Variants in CYP4X1 observed in about 807,000 individuals in gnomAD.
CYP4X1 encodes the protein cytochrome P450 family 4 subfamily X member 1.
In CYP4X1, 44 loss-of-function variants were observed where a neutral mutation model predicts 57.9. The ratio of observed to expected loss-of-function variants is 0.76; its 90% CI spans 0.60 to 0.98. The LOEUF (loss-of-function observed/expected upper bound fraction) is 0.98. Among genes scored for constraint, CYP4X1 ranks in the 50% least tolerant of loss-of-function variants. CYP4X1 has a pLI of 0.00. For synonymous variants in CYP4X1, 227 were observed against 228.6 expected (o/e 0.99, Z 0.06); for missense variants, 532 against 623.9 (o/e 0.85, Z 1.57).
intron 8 of CYP4X1, among the ~76,000 whole-genome samples, chr1:47,042,857 T>A (rs1347423559): frequency 6.6e-6 from 1 of 152,194 alleles, no homozygotes; most frequent in East Asian, 1.9e-4. Context: ...CCATTCTTGA[T>A]TGATGGGCAT....
At chr1:47,048,754 A>C in intron 10 of CYP4X1, 125 bp downstream of exon 10, 1 of 929,640 alleles carries the variant, frequency 1.1e-6, no homozygotes, top group Non-Finnish European at 1.6e-6. Context: ...AAAAATAAAC[A>C]TAAAAGCCAA....
At chr1:46,984,675 C>T in the CYP4X1 span, among the ~76,000 whole-genome samples, 2 of 152,192 alleles carry the variant, frequency 1.3e-5, no homozygotes, top group South Asian at 4.1e-4. Context: ...TGCATTCCAG[C>T]CCAGATACTA....
chr1:47,017,786 T>A, the CYP4X1 span, among the ~76,000 whole-genome samples: 3 of 152,154 alleles, frequency 2.0e-5, no homozygotes, highest in Non-Finnish European at 4.4e-5. Context: ...TTGTCCCACC[T>A]TTCCAGAGTG....
chr1:47,039,749 C>T, intron 8 of CYP4X1: 1 of 363,738 alleles, frequency 2.7e-6, no homozygotes, highest in Non-Finnish European at 4.9e-6. Context: ...AATTGTCTGT[C>T]ATTGGTTTTC....
rs139394305 is a variant in CYP4X1, at chr1:47,030,008, A to G, written c.196A>G (p.Met66Val). Residue 66 changes from methionine (M) to valine (V), a missense_variant, in exon 2 of 12, where the codon ATG (methionine) becomes GTG (valine). Physicochemically the swap from Met to Val is conservative, Grantham distance 21. Coordinates refer to ENST00000371901, the MANE Select transcript of CYP4X1 (RefSeq NM_178033.2). ...GHQKFIQDDN[M>V]EKLEEIIEKY... Reference sequence around the variant, plus strand: ...ACTGCAGTTTATTCAGGATGATAACATGGAGAAGCTTGAGGAAATTATTGA... The same window carrying G: ...ACTGCAGTTTATTCAGGATGATAACGTGGAGAAGCTTGAGGAAATTATTGA... 5.4e-5 allele frequency: 87 copies of G among 1,613,892 alleles called. No homozygotes were observed. In the African/African-American group the frequency reaches 1.1e-3, roughly 21 times the overall value.
downstream of CYP4X1, among the ~76,000 whole-genome samples, chr1:47,053,645 G>C (rs1168557651): frequency 6.6e-6 from 1 of 152,170 alleles, no homozygotes; most frequent in Non-Finnish European, 1.5e-5. Context: ...TTGTGGTTTT[G>C]ATTTGCATTT....
intron 1 of CYP4X1, among the ~76,000 whole-genome samples, chr1:47,029,489 T>G (rs1309271790): frequency 6.6e-6 from 1 of 152,172 alleles, no homozygotes; most frequent in Non-Finnish European, 1.5e-5. Context: ...AGTTGGCAAT[T>G]TTTTAGAGAG....
the CYP4X1 span, among the ~76,000 whole-genome samples, chr1:46,979,741 A>G: frequency 9.5e-4 from 145 of 152,216 alleles, no homozygotes; most frequent in Non-Finnish European, 1.7e-3. Flanking sequence ...ATATACTGGC[A>G]AACCGAATCC....
At chr1:47,033,496 C>T in intron 4 of CYP4X1, 128 bp downstream of exon 4, 2 of 1,198,184 alleles carry the variant, frequency 1.7e-6, no homozygotes, top group Non-Finnish European at 2.3e-6. Flanking sequence ...TGTACACGTA[C>T]TTATTGAACA....
chr1:46,966,733 C>T, the CYP4X1 span, among the ~76,000 whole-genome samples: 1 of 152,162 alleles, frequency 6.6e-6, no homozygotes, highest in Non-Finnish European at 1.5e-5. Flanking sequence ...GACAAAATCC[C>T]ATTCACAATT....
At chr1:47,036,900 T>A (rs1644189559) in intron 6 of CYP4X1, among the ~76,000 whole-genome samples, 1 of 152,224 alleles carries the variant, frequency 6.6e-6, no homozygotes, top group African/African-American at 2.4e-5. Context: ...TTATGTCAAA[T>A]GTCTTTGCTT....
At chr1:47,044,986 C>T (rs753628712) in intron 8 of CYP4X1, among the ~76,000 whole-genome samples, 6 of 152,086 alleles carry the variant, frequency 3.9e-5, no homozygotes, top group East Asian at 3.9e-4. Context: ...CCACCATGCT[C>T]GGCTAATTTT....
chr1:47,030,597 C>G (rs1433357369), intron 2 of CYP4X1, among the ~76,000 whole-genome samples: 1 of 152,204 alleles, frequency 6.6e-6, no homozygotes, highest in African/African-American at 2.4e-5. Context: ...GCTTTCCTCT[C>G]CACATATTTC....
intron 1 of CYP4X1, among the ~76,000 whole-genome samples, chr1:47,026,757 G>A (rs978230438): frequency 2.0e-5 from 3 of 151,494 alleles, no homozygotes; most frequent in South Asian, 2.1e-4. Context: ...CTGCTCTGTC[G>A]CCCAGGCTGG....
the CYP4X1 span, among the ~76,000 whole-genome samples, chr1:46,965,318 C>A: frequency 6.6e-6 from 1 of 152,220 alleles, no homozygotes; most frequent in African/African-American, 2.4e-5. Flanking sequence ...GTTGGAAATG[C>A]AGAAATTATC....
chr1:46,990,375 G>A, the CYP4X1 span, among the ~76,000 whole-genome samples: 1 of 152,190 alleles, frequency 6.6e-6, no homozygotes, highest in Non-Finnish European at 1.5e-5. Context: ...AGTTAGAATG[G>A]CGATCATTAA....
rs763886896 is a variant in CYP4X1 at position 47,023,944 on chromosome 1, C to A, written c.127C>A (p.Leu43Met). The A allele has an allele frequency of 3.1e-6, 5 of 1,613,434 alleles. No individual in the cohort carries two copies. Among genetic ancestry groups the A allele is most frequent in the Admixed American group, 3.3e-5 (2 of 60,016 alleles). ...GCGGAGGCAGCGGCTGCTGCGGGAC[C>A]TGCGCCCCTTCCCAGCGCCCCCCAC... The part of the protein sequence containing the change: ...YLRRQRLLRD[L>M]RPFPAPPTHW... Residue 43 changes from leucine to methionine, a missense_variant, in exon 1 of 12, where the codon CTG becomes ATG. Transcript: ENST00000371901.
chr1:46,983,732 T>C, the CYP4X1 span, among the ~76,000 whole-genome samples: 1 of 152,088 alleles, frequency 6.6e-6, no homozygotes, highest in African/African-American at 2.4e-5. Context: ...CTGAGGGCAG[T>C]AGAGGTGGGA....
the CYP4X1 span, among the ~76,000 whole-genome samples, chr1:46,990,377 G>A: frequency 3.3e-5 from 5 of 152,124 alleles, no homozygotes; most frequent in East Asian, 3.8e-4. Flanking sequence ...TTAGAATGGC[G>A]ATCATTAAAA....
Sources: gnomAD v4.1 joint callset for allele counts (sites outside exome capture counted in the v4.1 genomes callset) on GRCh38, gnomAD v4.1.1 for gene constraint, MANE v1.5 for transcripts, NCBI Gene and HGNC (gene_info 2026-07-23, HGNC 2026-07-21) for gene names.